The following MNAT1 variants were observed in gnomAD, a reference collection of about 807,000 sequenced individuals.
MNAT1 encodes the protein MNAT1 component of CDK activating kinase, also known as CDK-activating kinase assembly factor MAT1.
A neutral mutation model predicts 42.0 loss-of-function variants in MNAT1; 43 were observed. The observed-to-expected ratio is 1.02, with a 90% CI of 0.80 to 1.32. The LOEUF is 1.32. Among genes scored for constraint, MNAT1 ranks in the 40% most tolerant of loss-of-function variants. MNAT1 has a pLI of 0.00. For missense variants in MNAT1, 306 were observed against 350.4 expected (o/e 0.87, Z 1.01); for synonymous variants, 118 against 120.0 (o/e 0.98, Z 0.11).
chr14:60,826,322 T>C lies in MNAT1; in HGVS notation c.687+7475T>C, dbSNP rs1415929700. Among the ~76,000 whole-genome samples the C allele has an allele frequency of 1.1e-4, 16 of 145,102 alleles. 1 individual carries two copies. Among genetic ancestry groups the C allele is most frequent in the Middle Eastern group, 3.4e-3 (1 of 290 alleles). Reference sequence around the variant, plus strand: ...AATAGGAGAAATTTTTTTTTTTTTTTTTTTTTTTTTTTGAGATGGAGTCTC... The same window carrying C: ...AATAGGAGAAATTTTTTTTTTTTTTCTTTTTTTTTTTTGAGATGGAGTCTC... On this transcript the variant is annotated intron_variant, in intron 6 of 7. Coordinates refer to ENST00000261245, the MANE Select transcript of MNAT1 (RefSeq NM_002431.4).
chr14:60,775,073 G>A (rs1479031990), intron 1 of MNAT1, among the ~76,000 whole-genome samples: 1 of 152,124 alleles, frequency 6.6e-6, no homozygotes, highest in African/African-American at 2.4e-5. Context: ...GAATGCCCAC[G>A]ACATAACTCT....
chr14:60,736,960 G>T (rs1027025151), intron 1 of MNAT1, among the ~76,000 whole-genome samples: 7 of 152,186 alleles, frequency 4.6e-5, no homozygotes, highest in Middle Eastern at 3.4e-3. Context: ...TGAAATACTT[G>T]CACAATAATG....
chr14:60,764,727 A>G (rs563655325), intron 1 of MNAT1, among the ~76,000 whole-genome samples: 4 of 152,364 alleles, frequency 2.6e-5, no homozygotes, highest in African/African-American at 9.6e-5. Flanking sequence ...GGAACAAGGC[A>G]AGGAATGTGT....
At chr14:60,961,927 G>C (rs1185948064) in intron 7 of MNAT1, among the ~76,000 whole-genome samples, 1 of 152,074 alleles carries the variant, frequency 6.6e-6, no homozygotes, top group East Asian at 1.9e-4. Context: ...TCAGGCACTA[G>C]GTTTTTTAAG....
chr14:60,917,438 T>C (rs2035546095), intron 7 of MNAT1, among the ~76,000 whole-genome samples: 1 of 152,290 alleles, frequency 6.6e-6, no homozygotes, highest in East Asian at 1.9e-4. Context: ...TATAGCGCAA[T>C]CAAATTTTTA....
At chr14:60,890,301 G>A (rs571907833) in intron 7 of MNAT1, among the ~76,000 whole-genome samples, 9 of 152,144 alleles carry the variant, frequency 5.9e-5, no homozygotes, top group South Asian at 4.1e-4. Context: ...ATAAATTTAC[G>A]TACTCATGAT....
In MNAT1 at chr14:60,780,043, GTTC is replaced by G. The variant is rs997014604; in HGVS notation, c.90-16169_90-16167del. The G allele has an allele frequency of 7.9e-5, 120 of 1,519,034 alleles. No homozygotes were observed. The Admixed American group carries it at 1.9e-3, about 24-fold the overall frequency. The allele number at this position is 1,519,034 out of a possible 1,614,324, so 94.1% of individuals were successfully genotyped here. A position where few individuals can be genotyped will look rare whatever the true frequency, so the allele number is the denominator to read the frequency against. The stretch of plus-strand genomic sequence containing the variant: ...GTGGGAGTGCCGAAATCGTGGACGA[GTTC>G]TTCTCATTCGGCATCAACAGCATTT... On this transcript the variant is annotated intron_variant, in intron 1 of 7. Transcript: ENST00000261245.
chr14:60,900,084 T>TCTC (rs1566544076), intron 7 of MNAT1, among the ~76,000 whole-genome samples: 37 of 42,060 alleles, frequency 8.8e-4, no homozygotes, highest in African/African-American at 1.7e-3. Flanking sequence ...CTCTCTCTCT[T>TCTC]ACCTTGGACT....
At chr14:60,901,395 A>G (rs1412297801) in intron 7 of MNAT1, among the ~76,000 whole-genome samples, 2 of 152,210 alleles carry the variant, frequency 1.3e-5, no homozygotes, top group Admixed American at 6.5e-5. Flanking sequence ...TGTTTTCATG[A>G]CTGCTAGCAC....
chr14:60,758,313 C>T (rs189033331), intron 1 of MNAT1, among the ~76,000 whole-genome samples: 2 of 151,838 alleles, frequency 1.3e-5, no homozygotes, highest in East Asian at 3.9e-4. Context: ...TCAAGCAATC[C>T]TCTCATGTCA....
chr14:60,796,276 G>T lies in MNAT1; in HGVS notation c.149G>T (p.Gly50Val). ...GGAGCTGGAAACTGCCCTGAGTGTG[G>T]TACTCCACTCAGAAAGAGCAACTTC... Reference protein sequence around the residue: ...VRGAGNCPECGTPLRKSNFRV... With the variant: ...VRGAGNCPECVTPLRKSNFRV... Residue 50 changes from glycine (G) to valine (V), a missense_variant, in exon 2 of 8, where the codon GGT becomes GTT. Coordinates refer to ENST00000261245, the MANE Select transcript of MNAT1 (RefSeq NM_002431.4). 6.2e-7 allele frequency: 1 copy of T among 1,613,652 alleles called. No homozygotes were observed. Among genetic ancestry groups the T allele is most frequent in the Non-Finnish European group, 8.5e-7 (1 of 1,179,724 alleles).
At chr14:60,937,011 G>C (rs1347362931) in intron 7 of MNAT1, among the ~76,000 whole-genome samples, 3 of 151,384 alleles carry the variant, frequency 2.0e-5, no homozygotes, top group Non-Finnish European at 4.4e-5. Flanking sequence ...TTTTTTGGCT[G>C]CATAAATGTC....
At chr14:60,912,224 T>C (rs2035387833) in intron 7 of MNAT1, among the ~76,000 whole-genome samples, 1 of 152,284 alleles carries the variant, frequency 6.6e-6, no homozygotes, top group Admixed American at 6.5e-5. Flanking sequence ...TCTGTGCACA[T>C]GAGATGGGTT....
chr14:60,833,202 T>C (rs2033276296), intron 6 of MNAT1, among the ~76,000 whole-genome samples: 1 of 152,194 alleles, frequency 6.6e-6, no homozygotes. Context: ...TGGCCAGAAC[T>C]ACCAGTACTA....
At chr14:60,774,316 T>G (rs1348337114) in intron 1 of MNAT1, among the ~76,000 whole-genome samples, 1 of 152,204 alleles carries the variant, frequency 6.6e-6, no homozygotes, top group Non-Finnish European at 1.5e-5. Flanking sequence ...CAAATGCAGT[T>G]GCCCTAAGGC....
At chr14:60,866,627 C>T (rs550362696) in intron 6 of MNAT1, among the ~76,000 whole-genome samples, 2 of 152,068 alleles carry the variant, frequency 1.3e-5, no homozygotes, top group African/African-American at 4.8e-5. Context: ...AGACTCATGC[C>T]TTTCTCAAAA....
intron 6 of MNAT1, among the ~76,000 whole-genome samples, chr14:60,858,549 T>C (rs1016541691): frequency 2.0e-5 from 3 of 152,152 alleles, no homozygotes; most frequent in African/African-American, 7.2e-5. Context: ...GTGGTAGTAT[T>C]TGAGAGAATT....
At chr14:60,843,898 T>C (rs2033613842) in intron 6 of MNAT1, among the ~76,000 whole-genome samples, 1 of 152,234 alleles carries the variant, frequency 6.6e-6, no homozygotes, top group African/African-American at 2.4e-5. Flanking sequence ...TTCTCCTGTT[T>C]AGAAACTTTG....
chr14:60,901,043 A>T (rs968674644), intron 7 of MNAT1, among the ~76,000 whole-genome samples: 2 of 132,384 alleles, frequency 1.5e-5, no homozygotes, highest in African/African-American at 5.4e-5. Context: ...AAAAAAAAAA[A>T]GTCAATGCCT....
Sources: allele counts gnomAD v4.1 joint callset (sites outside exome capture counted in the v4.1 genomes callset), GRCh38; gene constraint gnomAD v4.1.1; transcripts MANE v1.5; gene names NCBI Gene and HGNC (gene_info 2026-07-23, HGNC 2026-07-21).